The following CRCP variants were observed in gnomAD, a reference collection of about 807,000 sequenced individuals.
CRCP encodes DNA-directed RNA polymerase III subunit RPC9.
In CRCP, 18 loss-of-function variants were observed where a neutral mutation model predicts 18.5. The observed-to-expected ratio is 0.97, with a 90% confidence interval of 0.67 to 1.44. The LOEUF (loss-of-function observed/expected upper bound fraction) is 1.44, where lower values mean the gene tolerates loss of function less well. Among genes scored for constraint, CRCP ranks in the 40% most tolerant of loss-of-function variants. CRCP has a pLI of 0.00. For missense variants in CRCP, 130 were observed against 176.4 expected (o/e 0.74, Z 1.49); for synonymous variants, 53 against 62.9 (o/e 0.84, Z 0.75).
intron 1 of CRCP, among the ~76,000 whole-genome samples, chr7:66,124,287 G>A (rs1787550967): frequency 6.6e-6 from 1 of 151,262 alleles, no homozygotes; most frequent in Non-Finnish European, 1.5e-5. Context: ...ATGAACCTGG[G>A]AGGCGGAGCT....
intron 2 of CRCP, chr7:66,128,695 A>G (rs1787692265): frequency 6.6e-6 from 1 of 152,190 alleles, no homozygotes; most frequent in Admixed American, 6.6e-5. Context: ...TAAGAAATGT[A>G]GAATTTTTTG....
intron 3 of CRCP, among the ~76,000 whole-genome samples, chr7:66,133,068 A>T (rs1787857209): frequency 6.6e-6 from 1 of 152,176 alleles, no homozygotes; most frequent in African/African-American, 2.4e-5. Flanking sequence ...TAATTAAAAA[A>T]TATTTTGTGG....
At chr7:66,140,218 T>C (rs1011770906) in intron 4 of CRCP, among the ~76,000 whole-genome samples, 1 of 152,174 alleles carries the variant, frequency 6.6e-6, no homozygotes, top group Non-Finnish European at 1.5e-5. Context: ...CCACCGCAGC[T>C]GCACCAGGAT....
chr7:66,152,865 A>T lies in CRCP; in HGVS notation c.*508A>T, dbSNP rs1449663185. 6.5e-6 allele frequency: 1 copy of T among 154,612 alleles called. No individual in the cohort carries two copies. The highest frequency in any genetic ancestry group is 2.4e-5 in the African/African-American group (1 of 41,480). The allele number at this position is 154,612 out of a possible 1,614,324, so 9.6% of individuals were successfully genotyped here. ...TCGAGAACAACAGAGATAAGAAAAG[A>T]ACCGGCCTGGCCAATCCTTCAACAG... On this transcript the variant is annotated 3_prime_UTR_variant, in exon 6 of 6. Transcript: ENST00000395326.
intron 4 of CRCP, among the ~76,000 whole-genome samples, chr7:66,139,937 A>T (rs989830601): frequency 6.6e-6 from 1 of 152,216 alleles, no homozygotes; most frequent in Admixed American, 6.5e-5. Context: ...TGGGTCCTGT[A>T]GCCACAAGTT....
intron 2 of CRCP, among the ~76,000 whole-genome samples, 156 bp downstream of exon 2, chr7:66,127,896 A>C (rs1787663033): frequency 6.6e-6 from 1 of 152,062 alleles, no homozygotes; most frequent in African/African-American, 2.4e-5. Flanking sequence ...GGATCACTTG[A>C]GGTCAGGAGT....
rs534711358 is a variant in CRCP at position 66,126,214 on chromosome 7, GTCTA to G, written c.9-1486_9-1483del. Among the ~76,000 whole-genome samples, 15 of 149,100 alleles carry G rather than the reference GTCTA, an allele frequency of 1.0e-4. 2 individuals carry two copies. The highest frequency in any genetic ancestry group is 1.8e-4 in the Non-Finnish European group (12 of 66,746). On this transcript the variant is annotated intron_variant, in intron 1 of 5. Transcript: ENST00000395326. Reference sequence around the variant, plus strand: ...ACTGTGCTGATGACCTAAGGCCGAGGTCTATCTCTTTGTGAACCACTGTTAGTTT... The same window carrying G: ...ACTGTGCTGATGACCTAAGGCCGAGGTCTCTTTGTGAACCACTGTTAGTTT...
intron 2 of CRCP, chr7:66,130,097 C>CT (rs35682014): frequency 0.31 from 31,019 of 100,264 alleles, 10,814 homozygotes; most frequent in African/African-American, 0.61. Context: ...AAGCAGGATT[C>CT]TTTTTTTTTT....
Position 66,154,289 on chromosome 7 carries a change from C to G in CRCP, c.*1932C>G, listed in dbSNP as rs1140143. On this transcript the variant is annotated 3_prime_UTR_variant, in exon 6 of 6. Coordinates refer to ENST00000395326, the MANE Select transcript of CRCP (RefSeq NM_014478.5). ...CTCCCAGATTCAAGCGATTCTGGTG[C>G]CTTAGCCTCCTGAGTAGCTGGGACT... 6.6e-6 allele frequency: 1 copy of G among 151,034 alleles called. No homozygotes were observed. Among genetic ancestry groups the G allele is most frequent in the Non-Finnish European group, 1.5e-5 (1 of 67,912 alleles). The allele number at this position is 151,034 out of a possible 1,614,324, so 9.4% of individuals were successfully genotyped here.
At chr7:66,118,427 T>G (rs1183987555) in intron 1 of CRCP, among the ~76,000 whole-genome samples, 1 of 152,348 alleles carries the variant, frequency 6.6e-6, no homozygotes, top group Non-Finnish European at 1.5e-5. Context: ...TTTACTTGTT[T>G]GGAGGGTGGG....
chr7:66,117,444 TCTC>T (rs1787303332), intron 1 of CRCP, among the ~76,000 whole-genome samples: 1 of 152,146 alleles, frequency 6.6e-6, no homozygotes, highest in Non-Finnish European at 1.5e-5. Context: ...CTAACCTTCT[TCTC>T]ATCATCTATC....
chr7:66,152,244 C>T lies in CRCP; in HGVS notation c.334C>T (p.Gln112Ter). ...EESEERLTEE[Q>*]IEALLHTVTS... ...GAGTGAAGAGCGGCTCACGGAGGAG[C>T]AGATTGAAGCTCTTCTCCACACCGT... Residue 112 changes from glutamine to a stop codon, truncating the protein, a stop_gained, in exon 6 of 6, where the codon CAG becomes TAG. Transcript: ENST00000395326. LOFTEE classifies it low-confidence loss of function (END_TRUNC). 1.2e-6 allele frequency: 2 copies of T among 1,614,026 alleles called. No homozygotes were observed. The highest frequency in any genetic ancestry group is 1.7e-6 in the Non-Finnish European group (2 of 1,179,986).
chr7:66,138,091 C>G (rs1240706783), intron 4 of CRCP, among the ~76,000 whole-genome samples: 5 of 152,242 alleles, frequency 3.3e-5, no homozygotes, highest in Non-Finnish European at 5.9e-5. Flanking sequence ...GAACAGGTCT[C>G]TTGGCTACAA....
At chr7:66,148,375 C>G (rs1788361337) in intron 5 of CRCP, among the ~76,000 whole-genome samples, 1 of 152,124 alleles carries the variant, frequency 6.6e-6, no homozygotes, top group African/African-American at 2.4e-5. Context: ...CTCTAGAAAA[C>G]AAAAGGAAAT....
chr7:66,137,734 C>T (rs1413696496), intron 4 of CRCP, among the ~76,000 whole-genome samples: 1 of 152,086 alleles, frequency 6.6e-6, no homozygotes, highest in East Asian at 1.9e-4. Context: ...TTAGTAGTTA[C>T]TGAAGGGATC....
intron 5 of CRCP, among the ~76,000 whole-genome samples, chr7:66,150,095 C>T (rs993663996): frequency 2.0e-5 from 3 of 151,462 alleles, no homozygotes; most frequent in African/African-American, 7.3e-5. Flanking sequence ...CGTGAGCCAC[C>T]GCACCCGGCC....
Position 66,132,152 on chromosome 7 carries a change from C to A in CRCP, c.144+1310C>A, listed in dbSNP as rs554279046. Among the ~76,000 whole-genome samples, 6 of 130,546 alleles carry A rather than the reference C, an allele frequency of 4.6e-5. No individual in the cohort carries two copies. The Admixed American group carries it at 4.8e-4, about 11-fold the overall frequency. 85.6% of individuals were successfully genotyped at this position (130,546 alleles called of 152,430 possible). A position where few individuals can be genotyped will look rare whatever the true frequency, so the allele number is the denominator to read the frequency against. The stretch of plus-strand genomic sequence containing the variant: ...TCTCTGATGTTAATATCTTACATAA[C>A]CATGGTACAGTGATCAAAACCAAGA... On this transcript the variant is annotated intron_variant, in intron 3 of 5. Transcript: ENST00000395326.
chr7:66,127,808 T>G lies in CRCP; in HGVS notation c.45+68T>G, dbSNP rs373742519. The G allele has an allele frequency of 6.7e-5, 105 of 1,564,772 alleles. No homozygotes were observed. In the African/African-American group the frequency reaches 1.3e-3, roughly 20 times the overall value. ...TCGCTCCTGAGATTGTTAAATTGAT[T>G]TTGGTTAGAAATGACTGAATTCAGG... On this transcript the variant is annotated intron_variant, in intron 2 of 5. Transcript: ENST00000395326.
At chr7:66,135,507 TTTTA>T (rs1229888494) in intron 4 of CRCP, among the ~76,000 whole-genome samples, 17 of 152,252 alleles carry the variant, frequency 1.1e-4, no homozygotes, top group Non-Finnish European at 2.2e-4. Context: ...TTCCTTCTTT[TTTTA>T]TTTATTTATC....
Sources: allele counts gnomAD v4.1 joint callset (sites outside exome capture counted in the v4.1 genomes callset), GRCh38; gene constraint gnomAD v4.1.1; transcripts MANE v1.5; gene names NCBI Gene and HGNC (gene_info 2026-07-23, HGNC 2026-07-21).